SEM1: variants seen among roughly 807,000 people sequenced by gnomAD.
SEM1 encodes 26S proteasome complex subunit SEM1.
A neutral mutation model predicts 12.7 loss-of-function variants in SEM1; 3 were observed. The observed-to-expected ratio is 0.24, with a 90% confidence interval of 0.11 to 0.61. The LOEUF is 0.61. Among genes scored for constraint, SEM1 ranks in the 20% least tolerant of loss-of-function variants. The pLI is 0.88. For missense variants in SEM1, 59 were observed against 81.3 expected (o/e 0.73, Z 1.06); for synonymous variants, 30 against 27.8 (o/e 1.08, Z -0.25).
chr7:96,547,367 A>G (rs10243446), intron 2 of SEM1, among the ~76,000 whole-genome samples: 142,598 of 152,200 alleles, frequency 0.94, 66,945 homozygotes, highest in Non-Finnish European at 0.98. Context: ...TATCTGCGAA[A>G]AATCCTGGGA....
At position 96,660,683 on chromosome 7, in the gene SEM1, C is replaced by T. The variant is rs12669105; in HGVS notation, c.170+34115G>A. On this transcript the variant is annotated intron_variant, in intron 2 of 2. Transcript: ENST00000417009. ...AACCCACACAGTTTAAATATAGTCCCAAAGAAGAGTTGAACAACACAATTC... is the reference window on the plus strand; with the variant it reads ...AACCCACACAGTTTAAATATAGTCCTAAAGAAGAGTTGAACAACACAATTC... Among the ~76,000 whole-genome samples the T allele has an allele frequency of 2.0e-5, 3 of 151,970 alleles. No individual in the cohort carries two copies. The East Asian group carries it at 5.8e-4, about 29-fold the overall frequency.
downstream of SEM1, among the ~76,000 whole-genome samples, chr7:96,684,122 G>A (rs1380599954): frequency 6.6e-6 from 1 of 152,062 alleles, no homozygotes; most frequent in African/African-American, 2.4e-5. Context: ...TCCTCTTCCA[G>A]ACTTTCTAAT....
chr7:96,692,682 T>G (rs957352701), intron 2 of SEM1, among the ~76,000 whole-genome samples: 1 of 152,106 alleles, frequency 6.6e-6, no homozygotes, highest in Non-Finnish European at 1.5e-5. Context: ...ATACTGATCA[T>G]GAAGAATGAG....
chr7:96,682,361 T>G (rs1047687614), intron 2 of SEM1, among the ~76,000 whole-genome samples: 1 of 152,084 alleles, frequency 6.6e-6, no homozygotes, highest in African/African-American at 2.4e-5. Flanking sequence ...TCTCTTCCTA[T>G]GTGAATACCC....
At chr7:96,525,032 T>C (rs143508776) in intron 2 of SEM1, among the ~76,000 whole-genome samples, 40 of 152,250 alleles carry the variant, frequency 2.6e-4, no homozygotes, top group Middle Eastern at 3.4e-3. Context: ...GGCTGCCATA[T>C]TGAACAGTGC....
intron 2 of SEM1, among the ~76,000 whole-genome samples, chr7:96,583,893 C>T (rs2116079160): frequency 6.6e-6 from 1 of 151,190 alleles, no homozygotes; most frequent in East Asian, 2.0e-4. Context: ...TTCCTGAATA[C>T]AGCACACTGA....
chr7:96,680,882 G>A (rs977543298), intron 2 of SEM1, among the ~76,000 whole-genome samples: 8 of 152,182 alleles, frequency 5.3e-5, no homozygotes, highest in Admixed American at 4.6e-4. Context: ...ACAAGGAGTT[G>A]GCTATTGCAA....
chr7:96,527,298 G>A (rs981565433), intron 2 of SEM1, among the ~76,000 whole-genome samples: 3 of 152,136 alleles, frequency 2.0e-5, no homozygotes, highest in African/African-American at 7.2e-5. Context: ...TGAGACTGAT[G>A]TAAAAGTTCC....
chr7:96,705,195 G>T (rs1050906111), intron 1 of SEM1, among the ~76,000 whole-genome samples: 1 of 152,054 alleles, frequency 6.6e-6, no homozygotes, highest in South Asian at 2.1e-4. Flanking sequence ...CCAGAGGGTG[G>T]GAAGGTGGGT....
At chr7:96,658,852 G>A (rs1809272081) in intron 2 of SEM1, among the ~76,000 whole-genome samples, 1 of 152,194 alleles carries the variant, frequency 6.6e-6, no homozygotes, top group African/African-American at 2.4e-5. Context: ...AGTTAGTGGT[G>A]CAACAGGAAA....
chr7:96,545,319 C>T (rs1805073965), intron 2 of SEM1, among the ~76,000 whole-genome samples: 2 of 151,948 alleles, frequency 1.3e-5, no homozygotes, highest in Admixed American at 6.6e-5. Flanking sequence ...AGTAATGGTT[C>T]ATAGTTTTTA....
At chr7:96,553,014 T>C in intron 2 of SEM1, among the ~76,000 whole-genome samples, 1 of 152,024 alleles carries the variant, frequency 6.6e-6, no homozygotes, top group South Asian at 2.1e-4. Flanking sequence ...TGTCTGTTCA[T>C]GTCCTTCACC....
At chr7:96,671,460 C>T (rs1230639174), downstream of SEM1, among the ~76,000 whole-genome samples, 1 of 152,020 alleles carries the variant, frequency 6.6e-6, no homozygotes, top group African/African-American at 2.4e-5. Context: ...AATCCCCACC[C>T]ATGAGGACTT....
chr7:96,698,827 T>C (rs1790180362), intron 1 of SEM1, among the ~76,000 whole-genome samples: 1 of 152,196 alleles, frequency 6.6e-6, no homozygotes, highest in African/African-American at 2.4e-5. Flanking sequence ...TCTAGATCCT[T>C]GCGGAATCAC....
chr7:96,622,950 C>A (rs1189596497), intron 2 of SEM1: 2 of 308,418 alleles, frequency 6.5e-6, no homozygotes, highest in Non-Finnish European at 1.2e-5. Flanking sequence ...TATTTCAATT[C>A]ACCTGAGTCA....
At chr7:96,489,361 G>A (rs1228615597) in intron 1 of SEM1, among the ~76,000 whole-genome samples, 6 of 152,086 alleles carry the variant, frequency 3.9e-5, no homozygotes, top group Non-Finnish European at 7.4e-5. Flanking sequence ...CCTACCCCTA[G>A]AATTTTTAAT....
chr7:96,529,268 A>G (rs1320670962), intron 2 of SEM1, among the ~76,000 whole-genome samples: 1 of 152,160 alleles, frequency 6.6e-6, no homozygotes, highest in African/African-American at 2.4e-5. Context: ...AATTTCTTAA[A>G]TTAAAAATGT....
rs868618462 is a variant in SEM1, at chr7:96,681,275, T to C, written c.171-7416A>G. Among the ~76,000 whole-genome samples, 3 of 152,180 alleles carry C rather than the reference T, an allele frequency of 2.0e-5. 1 individual carries two copies. The highest frequency in any genetic ancestry group is 6.8e-3 in the Middle Eastern group (2 of 294). On this transcript the variant is annotated intron_variant, in intron 2 of 2. Transcript: ENST00000413065. Reference sequence around the variant, plus strand: ...AAGCACTGACAGCATTTGAGGAAAATGGTGACATGATCTAAATTTCAACAA... The same window carrying C: ...AAGCACTGACAGCATTTGAGGAAAACGGTGACATGATCTAAATTTCAACAA...
At chr7:96,651,717 A>G (rs1318114804) in intron 2 of SEM1, among the ~76,000 whole-genome samples, 1 of 152,140 alleles carries the variant, frequency 6.6e-6, no homozygotes, top group Non-Finnish European at 1.5e-5. Context: ...GATTACAGGC[A>G]TGCACCACCA....
Sources: gnomAD v4.1 joint callset for allele counts (sites outside exome capture counted in the v4.1 genomes callset) on GRCh38, gnomAD v4.1.1 for gene constraint, MANE v1.5 for transcripts, NCBI Gene and HGNC (gene_info 2026-07-23, HGNC 2026-07-21) for gene names.